SUGCT: variants seen among roughly 807,000 people sequenced by gnomAD.
SUGCT encodes succinyl-CoA:glutarate-CoA transferase.
SUGCT carries 41 observed loss-of-function variants against 55.0 expected under a neutral mutation model. That is an observed-to-expected ratio of 0.74 (90% CI 0.58 to 0.97). SUGCT has a LOEUF of 0.97. Ranked by LOEUF, SUGCT falls within the 50% of genes least tolerant of loss-of-function variation. SUGCT has a pLI of 0.00. For synonymous variants in SUGCT, 187 were observed against 200.4 expected (o/e 0.93, Z 0.56); for missense variants, 568 against 547.8 (o/e 1.04, Z -0.37).
the SUGCT span, among the ~76,000 whole-genome samples, chr7:40,867,334 TA>T: frequency 6.6e-6 from 1 of 151,148 alleles, no homozygotes; most frequent in East Asian, 1.9e-4. Flanking sequence ...TATATATGTG[TA>T]TATATATGCT....
chr7:40,898,480 C>CGGGG, the SUGCT span, among the ~76,000 whole-genome samples: 117 of 5,684 alleles, frequency 0.021, 9 homozygotes, highest in Non-Finnish European at 0.034. Context: ...TCCGGGAGGT[C>CGGGG]GGGGGGGGGG....
At chr7:40,315,297 T>A (rs536168838) in intron 8 of SUGCT, among the ~76,000 whole-genome samples, 1 of 152,368 alleles carries the variant, frequency 6.6e-6, no homozygotes, top group South Asian at 2.1e-4. Flanking sequence ...GCATTTTTGC[T>A]ACAAAATGTT....
chr7:40,943,878 T>C, the SUGCT span, among the ~76,000 whole-genome samples: 2 of 151,392 alleles, frequency 1.3e-5, no homozygotes, highest in Non-Finnish European at 2.9e-5. Flanking sequence ...ATGGTTGAAC[T>C]AGTTTACAGT....
At chr7:40,466,298 T>A (rs1211986940) in intron 11 of SUGCT, among the ~76,000 whole-genome samples, 1 of 152,160 alleles carries the variant, frequency 6.6e-6, no homozygotes. Context: ...CAGAACCCAG[T>A]GCTACTACTT....
At chr7:40,662,369 G>C (rs1032473611) in intron 12 of SUGCT, among the ~76,000 whole-genome samples, 1 of 152,174 alleles carries the variant, frequency 6.6e-6, no homozygotes, top group African/African-American at 2.4e-5. Context: ...ATAGAAGTCA[G>C]ACTGCTATTT....
chr7:41,011,776 A>G, the SUGCT span, among the ~76,000 whole-genome samples: 1 of 152,224 alleles, frequency 6.6e-6, no homozygotes, highest in Non-Finnish European at 1.5e-5. Context: ...ACCTACCCAC[A>G]TATATTCAAC....
At chr7:40,827,346 C>T (rs1409236865) in intron 13 of SUGCT, among the ~76,000 whole-genome samples, 1 of 152,130 alleles carries the variant, frequency 6.6e-6, no homozygotes, top group Non-Finnish European at 1.5e-5. Context: ...CGGGCACCTG[C>T]TGCTTTAAGA....
chr7:40,257,398 G>A lies in SUGCT; in HGVS notation c.577-17115G>A, dbSNP rs145999276. Reference sequence around the variant, plus strand: ...GTTTATCTATATATGGCACTGGTACGCTGGAATCTGTAATACTGAGTTGGT... The same window carrying A: ...GTTTATCTATATATGGCACTGGTACACTGGAATCTGTAATACTGAGTTGGT... On this transcript the variant is annotated intron_variant, in intron 7 of 13. Transcript: ENST00000335693. Among the ~76,000 whole-genome samples, 655 of 152,092 alleles carry A rather than the reference G, an allele frequency of 4.3e-3. 4 individuals carry two copies. The highest frequency in any genetic ancestry group is 0.013 in the African/African-American group (540 of 41,492).
At chr7:40,665,432 A>AAAT in intron 12 of SUGCT, among the ~76,000 whole-genome samples, 1 of 140,418 alleles carries the variant, frequency 7.1e-6, no homozygotes, top group South Asian at 2.3e-4. Context: ...TCTATCTCAA[A>AAAT]AAATAAATAA....
chr7:40,932,642 C>A, the SUGCT span, among the ~76,000 whole-genome samples: 1 of 152,156 alleles, frequency 6.6e-6, no homozygotes, highest in East Asian at 1.9e-4. Context: ...GGACAGTTAG[C>A]TCTTCTTGTT....
chr7:40,629,154 C>T (rs1799667759), intron 12 of SUGCT, among the ~76,000 whole-genome samples: 1 of 152,172 alleles, frequency 6.6e-6, no homozygotes, highest in Non-Finnish European at 1.5e-5. Context: ...TATTTCAGCG[C>T]AGTTCATGCC....
chr7:40,513,783 ATTTTTTTT>A (rs869065628), intron 12 of SUGCT, among the ~76,000 whole-genome samples: 5 of 103,992 alleles, frequency 4.8e-5, no homozygotes, highest in Non-Finnish European at 7.6e-5. Flanking sequence ...TCAGGGAAGT[ATTTTTTTT>A]TTTTTTTTTT....
intron 6 of SUGCT, among the ~76,000 whole-genome samples, chr7:40,224,427 T>C (rs201022758): frequency 5.2e-5 from 7 of 135,328 alleles, no homozygotes; most frequent in African/African-American, 1.6e-4. Flanking sequence ...TGTGTGTGTG[T>C]GTGCATGCAT....
intron 7 of SUGCT, among the ~76,000 whole-genome samples, chr7:40,239,023 C>T (rs964003800): frequency 5.3e-5 from 8 of 152,020 alleles, no homozygotes; most frequent in African/African-American, 1.9e-4. Context: ...GTTTCACCGT[C>T]TTGACCAGGC....
chr7:40,821,121 A>G (rs949317513), intron 13 of SUGCT, among the ~76,000 whole-genome samples: 3 of 152,140 alleles, frequency 2.0e-5, no homozygotes, highest in Non-Finnish European at 4.4e-5. Context: ...AGCCCACTTG[A>G]TCATGGTTGA....
chr7:40,667,998 T>G (rs572879232), intron 12 of SUGCT, among the ~76,000 whole-genome samples: 2 of 152,330 alleles, frequency 1.3e-5, no homozygotes, highest in Non-Finnish European at 2.9e-5. Flanking sequence ...AAACCTGATA[T>G]TCATAAAATT....
chr7:40,481,663 G>T (rs1020628132), intron 11 of SUGCT, among the ~76,000 whole-genome samples: 8 of 152,102 alleles, frequency 5.3e-5, no homozygotes, highest in Admixed American at 6.6e-5. Context: ...TGTAAAATAA[G>T]ATGTGTAAAT....
intron 9 of SUGCT, among the ~76,000 whole-genome samples, chr7:40,355,503 C>T (rs1464304442): frequency 2.0e-5 from 3 of 152,142 alleles, no homozygotes; most frequent in Non-Finnish European, 4.4e-5. Flanking sequence ...CAGGAGTTGG[C>T]AGACTTTTTT....
intron 1 of SUGCT, among the ~76,000 whole-genome samples, chr7:40,170,304 A>G (rs892382063): frequency 7.2e-5 from 11 of 152,216 alleles, no homozygotes; most frequent in Non-Finnish European, 1.2e-4. Flanking sequence ...CAATAACATT[A>G]TATCTCTCCA....
Sources: allele counts gnomAD v4.1 joint callset (sites outside exome capture counted in the v4.1 genomes callset), GRCh38; gene constraint gnomAD v4.1.1; transcripts MANE v1.5; gene names NCBI Gene and HGNC (gene_info 2026-07-23, HGNC 2026-07-21).